Variants in CFAP46 observed in about 807,000 individuals in gnomAD.
The protein encoded by CFAP46 is cilia- and flagella-associated protein 46.
Under a neutral mutation model 325.7 loss-of-function variants are expected in CFAP46, and 245 were observed. That is an observed-to-expected ratio of 0.75 (90% CI 0.68 to 0.84). CFAP46 has a LOEUF of 0.84. Among genes scored for constraint, CFAP46 ranks in the 40% least tolerant of loss-of-function variants. The pLI, the probability that CFAP46 is intolerant of heterozygous loss-of-function variation, is 0.00. For synonymous variants in CFAP46, 1,523 were observed against 1,495.9 expected, an observed-to-expected ratio of 1.02 and a Z score of -0.42; for missense variants, 3,346 against 3,543.0, an observed-to-expected ratio of 0.94 and a Z score of 1.41.
At chr10:132,810,763 G>T in intron 56 of CFAP46, 187 bp downstream of exon 56, 1 of 736,202 alleles carries the variant, frequency 1.4e-6, no homozygotes. Flanking sequence ...CAGGGGCCCG[G>T]CTGAGCCGCC....
rs188488931 is a variant in CFAP46 at position 132,836,121 on chromosome 10, C to T, written c.6613+21G>A. The T allele has an allele frequency of 4.4e-3, 7,038 of 1,593,150 alleles. 146 individuals are homozygous for T. In the Admixed American group the frequency reaches 0.048, roughly 11 times the overall value. Reference sequence around the variant, plus strand: ...TCCGCCTGCCCTGCTCCCCCTCCCCCTCCCCTGCAGCCCTGCTCACCTCCC... The same window carrying T: ...TCCGCCTGCCCTGCTCCCCCTCCCCTTCCCCTGCAGCCCTGCTCACCTCCC... On this transcript the variant is annotated intron_variant, in intron 46 of 57. Transcript: ENST00000368586.
At position 132,937,552 on chromosome 10, in the gene CFAP46, C is replaced by A. The variant is rs749716650; in HGVS notation, c.660G>T (p.Met220Ile). 2.5e-6 allele frequency: 4 copies of A among 1,613,346 alleles called. No individual in the cohort carries two copies. The South Asian group carries it at 4.4e-5, about 18-fold the overall frequency. Residue 220 changes from methionine (M) to isoleucine (I), a missense_variant and splice_region_variant, in exon 6 of 58, where the codon ATG (methionine) becomes ATT (isoleucine). Physicochemically the swap from Met to Ile is conservative, Grantham distance 10. Coordinates refer to ENST00000368586, the MANE Select transcript of CFAP46 (RefSeq NM_001200049.3). The part of the protein sequence containing the change: ...PQKYRQIFSV[M>I]VRHELMDELQ... ...CTCTATTTCTAATACGCTGATTTACCATAACAGAGAATATCTGCCGGTATT... is the reference window on the plus strand; with the variant it reads ...CTCTATTTCTAATACGCTGATTTACAATAACAGAGAATATCTGCCGGTATT...
Position 132,885,425 on chromosome 10 carries a change from C to T in CFAP46, c.3444-139G>A, listed in dbSNP as rs981372179. On this transcript the variant is annotated intron_variant, in intron 26 of 57. Transcript: ENST00000368586. ...GCAGAGCCCAGGTGAGCGGGGGTCT[C>T]GGGGCTACGCGGGGGTCTCGGGGGT... 2.2e-5 allele frequency: 13 copies of T among 593,004 alleles called. No individual in the cohort carries two copies. The Admixed American group carries it at 2.8e-4, about 13-fold the overall frequency. 36.7% of individuals were successfully genotyped at this position (593,004 alleles called of 1,614,324 possible). A position where few individuals can be genotyped will look rare whatever the true frequency, so the allele number is the denominator to read the frequency against.
rs200115824 is a variant in CFAP46, at chr10:132,887,405, TCTC to T, written c.3305-1449_3305-1447del. 8.2e-4 allele frequency among the ~76,000 whole-genome samples: 77 copies of T among 93,894 alleles called. 5 individuals are homozygous for T. Among genetic ancestry groups the T allele is most frequent in the African/African-American group, 3.1e-3 (71 of 22,872 alleles). The allele number at this position is 93,894 out of a possible 152,430, so 61.6% of individuals were successfully genotyped here. On this transcript the variant is annotated intron_variant, in intron 25 of 57. Transcript: ENST00000368586. ...CTCTCTCTCCTCTCTCGCTTCTCTC[TCTC>T]CTCTCCTCTCTCCTCCCCTCTTCTT... is the stretch of plus-strand genomic sequence containing the variant.
Position 132,835,359 on chromosome 10 carries a change from C to T in CFAP46, c.6689G>A (p.Arg2230Gln), listed in dbSNP as rs773804851. 1.2e-5 allele frequency: 19 copies of T among 1,613,544 alleles called. No homozygotes were observed. Among genetic ancestry groups the T allele is most frequent in the South Asian group, 3.3e-5 (3 of 91,088 alleles). ...GTACACCTGGGCCTGGGTCTGCTTC[C>T]GGAACTGCTGGGCACAGGCCAGCAG... ...SHLLACAQQF[R>Q]KQTQAQVYSE... Residue 2230 changes from arginine (R) to glutamine (Q), a missense_variant, in exon 47 of 58, where the codon CGG becomes CAG. By Grantham distance (43) the Arg-to-Gln change is conservative. Transcript: ENST00000368586.
rs1311990296 is a variant in CFAP46, at chr10:132,885,766, G to T, written c.3443+55C>A. ...TGTGGGGAGCACTCACAGGCGGTGG[G>T]GGGAGCACTCAGGCGGTGGAGGGAG... is the stretch of plus-strand genomic sequence containing the variant. On this transcript the variant is annotated intron_variant, in intron 26 of 57. Coordinates refer to ENST00000368586, the MANE Select transcript of CFAP46 (RefSeq NM_001200049.3). 19 of 1,465,688 alleles carry T rather than the reference G, an allele frequency of 1.3e-5. No homozygotes were observed. In the South Asian group the frequency reaches 2.4e-4, roughly 18 times the overall value. The allele number at this position is 1,465,688 out of a possible 1,614,324, so 90.8% of individuals were successfully genotyped here.
intron 35 of CFAP46, 92 bp from the exon 36 acceptor site, chr10:132,861,074 C>CAGA: frequency 8.2e-7 from 1 of 1,214,336 alleles, no homozygotes; most frequent in South Asian, 1.4e-5. Flanking sequence ...AAGAGGGAGA[C>CAGA]AGAGAGGCAG....
At chr10:132,843,431 G>A (rs1848376117) in intron 44 of CFAP46, among the ~76,000 whole-genome samples, 1 of 148,960 alleles carries the variant, frequency 6.7e-6, no homozygotes, top group Non-Finnish European at 1.5e-5. Context: ...GTGCTGTAAG[G>A]CTCTGGTCAC....
At chr10:132,849,537 A>G (rs1442162966) in intron 41 of CFAP46, among the ~76,000 whole-genome samples, 1 of 152,184 alleles carries the variant, frequency 6.6e-6, no homozygotes, top group African/African-American at 2.4e-5. Context: ...ACAAGTGTTT[A>G]GGAAGGTGAC....
intron 39 of CFAP46, among the ~76,000 whole-genome samples, chr10:132,856,835 C>T (rs1848649122): frequency 1.3e-5 from 2 of 152,180 alleles, no homozygotes; most frequent in South Asian, 4.1e-4. Flanking sequence ...GACATTTGGG[C>T]TTTGTCTTCC....
intron 39 of CFAP46, among the ~76,000 whole-genome samples, chr10:132,857,032 G>A (rs551612327): frequency 3.9e-5 from 6 of 152,242 alleles, no homozygotes; most frequent in Non-Finnish European, 8.8e-5. Flanking sequence ...AAGGCCCTGT[G>A]TCTGCTTTGC....
At chr10:132,928,397 T>C (rs1849842559) in intron 9 of CFAP46, among the ~76,000 whole-genome samples, 1 of 152,220 alleles carries the variant, frequency 6.6e-6, no homozygotes. Context: ...GCTCCCATCC[T>C]CCGTGCGGCA....
intron 33 of CFAP46, among the ~76,000 whole-genome samples, chr10:132,868,128 C>G (rs1848844334): frequency 6.6e-6 from 1 of 152,248 alleles, no homozygotes; most frequent in African/African-American, 2.4e-5. Context: ...CTCCCGAGGC[C>G]TGCACGCCCC....
chr10:132,862,985 A>G (rs1214525491), intron 35 of CFAP46, among the ~76,000 whole-genome samples: 1 of 152,096 alleles, frequency 6.6e-6, no homozygotes. Context: ...GATCAAGGAA[A>G]CAAACAACTT....
intron 19 of CFAP46, among the ~76,000 whole-genome samples, chr10:132,910,425 A>T (rs1849524744): frequency 6.6e-6 from 1 of 152,214 alleles, no homozygotes; most frequent in South Asian, 2.1e-4. Context: ...GAGCCCCGAA[A>T]GTGGGGGCGT....
intron 44 of CFAP46, among the ~76,000 whole-genome samples, chr10:132,837,662 C>A (rs1414857612): frequency 6.7e-6 from 1 of 148,448 alleles, no homozygotes; most frequent in Non-Finnish European, 1.5e-5. Flanking sequence ...CAGATGCACA[C>A]AGACATGCAC....
intron 25 of CFAP46, among the ~76,000 whole-genome samples, chr10:132,887,078 CTCACTT>C: frequency 6.8e-6 from 1 of 146,518 alleles, no homozygotes; most frequent in East Asian, 2.0e-4. Context: ...CCTCTCCTCT[CTCACTT>C]CTCTCTCTCC....
intron 34 of CFAP46, among the ~76,000 whole-genome samples, chr10:132,866,594 G>A (rs1848816047): frequency 6.6e-6 from 1 of 152,144 alleles, no homozygotes; most frequent in Non-Finnish European, 1.5e-5. Context: ...GTGGGCCGGT[G>A]GCTGAGCCCC....
rs146875057 is a variant in CFAP46, at chr10:132,836,876, G to C, written c.6477C>G (p.Asn2159Lys). The C allele has an allele frequency of 4.7e-5, 76 of 1,613,960 alleles. No homozygotes were observed. The highest frequency in any genetic ancestry group is 6.1e-5 in the Non-Finnish European group (72 of 1,180,010). The change falls in exon 45 of 58, where the codon AAC becomes AAG. Residue 2159 changes from asparagine to lysine, a missense_variant. Coordinates refer to ENST00000368586, the MANE Select transcript of CFAP46 (RefSeq NM_001200049.3). Reference protein sequence around the residue: ...QNLCVTEQHFNLLNEMPPTFW... With the variant: ...QNLCVTEQHFKLLNEMPPTFW... ...AGGTCGGAGGCATCTCATTCAAGAG[G>C]TTAAAATGCTGCTCAGTGACGCAGA...
Sources: gnomAD v4.1 joint callset for allele counts (sites outside exome capture counted in the v4.1 genomes callset) on GRCh38, gnomAD v4.1.1 for gene constraint, MANE v1.5 for transcripts, NCBI Gene and HGNC (gene_info 2026-07-23, HGNC 2026-07-21) for gene names.